Variants in PTPRT observed in about 807,000 individuals in gnomAD.
The protein encoded by PTPRT is receptor-type tyrosine-protein phosphatase T.
Under a neutral mutation model 176.8 loss-of-function variants are expected in PTPRT, and 56 were observed. That is an observed-to-expected ratio of 0.32 (90% CI 0.26 to 0.40). The LOEUF (loss-of-function observed/expected upper bound fraction) is 0.40, where lower values mean the gene tolerates loss of function less well. Among genes scored for constraint, PTPRT ranks in the 10% least tolerant of loss-of-function variants. The pLI, the probability that PTPRT is intolerant of heterozygous loss-of-function variation, is 1.00. For synonymous variants in PTPRT, 783 were observed against 739.0 expected (o/e 1.06, Z -0.96); for missense variants, 1,540 against 1,908.2 (o/e 0.81, Z 3.60).
intron 9 of PTPRT, among the ~76,000 whole-genome samples, chr20:42,410,903 T>C (rs2059008750): frequency 6.6e-6 from 1 of 152,050 alleles, no homozygotes; most frequent in African/African-American, 2.4e-5. Context: ...TCAAACTATG[T>C]GTGGCAGTGG....
intron 22 of PTPRT, among the ~76,000 whole-genome samples, chr20:42,113,849 T>C (rs1987139872): frequency 6.6e-6 from 1 of 152,188 alleles, no homozygotes; most frequent in Admixed American, 6.5e-5. Flanking sequence ...TGGAGGGAGT[T>C]CACAGGCTTC....
rs575159654 is a variant in PTPRT at position 42,880,462 on chromosome 20, G to A, written c.214+5345C>T. On this transcript the variant is annotated intron_variant, in intron 2 of 30. Transcript: ENST00000373187. ...AAAGAATGTCCTACAAGTATTCAAA[G>A]GATATAGAAGCAAGCCACCCAAGCC... 1.4e-4 allele frequency among the ~76,000 whole-genome samples: 21 copies of A among 152,310 alleles called. No homozygotes were observed. The South Asian group carries it at 4.3e-3, about 32-fold the overall frequency.
chr20:42,907,587 A>T (rs1418601788), intron 1 of PTPRT, among the ~76,000 whole-genome samples: 1 of 152,176 alleles, frequency 6.6e-6, no homozygotes, highest in African/African-American at 2.4e-5. Flanking sequence ...TATGAGATGA[A>T]GTGGAGGAAT....
chr20:43,172,210 GGAGA>G, intron 1 of PTPRT, among the ~76,000 whole-genome samples: 1 of 152,230 alleles, frequency 6.6e-6, no homozygotes, highest in East Asian at 1.9e-4. Flanking sequence ...GTTAAGATCC[GGAGA>G]GATACACCAC....
chr20:43,118,804 C>T (rs1408702424), intron 1 of PTPRT, among the ~76,000 whole-genome samples: 2 of 152,214 alleles, frequency 1.3e-5, no homozygotes, highest in African/African-American at 4.8e-5. Context: ...CAAGATCACA[C>T]AGCTAGTACA....
Position 42,450,887 on chromosome 20 carries a change from T to A in PTPRT, c.1451-2558A>T, listed in dbSNP as rs187340206. 8.9e-4 allele frequency among the ~76,000 whole-genome samples: 136 copies of A among 152,328 alleles called. 1 individual carries two copies. The highest frequency in any genetic ancestry group is 1.5e-3 in the Non-Finnish European group (102 of 68,032). On this transcript the variant is annotated intron_variant, in intron 8 of 30. Transcript: ENST00000373187. ...TCAAAACTAATTCATTACATTTTTT[T>A]AATCAGGACTCTGACATAAAGGGAT...
rs553768713 is a variant in PTPRT, at chr20:42,805,828, TTATTGAGTCTCGACC to T, written c.215-14377_215-14363del. ...TATAGATCACGTGCCCATATGCAATTTATTGAGTCTCGACCTATTCCCTTCTAAATACTGTGGACC... is the reference window on the plus strand; with the variant it reads ...TATAGATCACGTGCCCATATGCAATTTATTCCCTTCTAAATACTGTGGACC... On this transcript the variant is annotated intron_variant, in intron 2 of 30. Transcript: ENST00000373187. 1.2e-3 allele frequency among the ~76,000 whole-genome samples: 179 copies of T among 152,162 alleles called. 1 individual carries two copies. The highest frequency in any genetic ancestry group is 4.1e-3 in the African/African-American group (170 of 41,508).
At chr20:42,871,034 T>A (rs997144275) in intron 2 of PTPRT, among the ~76,000 whole-genome samples, 2 of 151,512 alleles carry the variant, frequency 1.3e-5, no homozygotes, top group African/African-American at 4.9e-5. Flanking sequence ...CACTGCAACC[T>A]CCACCTCCCG....
chr20:42,270,305 A>G lies in PTPRT; in HGVS notation c.2176+12184T>C, dbSNP rs2056910471. On this transcript the variant is annotated intron_variant, in intron 13 of 30. Coordinates refer to ENST00000373187, the MANE Select transcript of PTPRT (RefSeq NM_007050.6). ...GTGGGTGGGTGGGTGGGGTGGAAAG[A>G]CTGCTGATTCCTCTCTGGTGCACCT... 4.1e-6 allele frequency: 5 copies of G among 1,231,526 alleles called. No homozygotes were observed. In the East Asian group the frequency reaches 1.3e-4, roughly 31 times the overall value. 76.3% of individuals were successfully genotyped at this position (1,231,526 alleles called of 1,614,324 possible).
At chr20:42,579,147 G>A (rs1468916425) in intron 7 of PTPRT, among the ~76,000 whole-genome samples, 9 of 146,000 alleles carry the variant, frequency 6.2e-5, no homozygotes, top group African/African-American at 2.3e-4. Flanking sequence ...CTATGAGTGA[G>A]AATATGCGGT....
intron 6 of PTPRT, among the ~76,000 whole-genome samples, chr20:42,700,028 C>A (rs543907372): frequency 6.6e-6 from 1 of 152,282 alleles, no homozygotes; most frequent in Admixed American, 6.5e-5. Context: ...AGCAGTGAGA[C>A]CCTGACCCCT....
rs541505893 is a variant in PTPRT, at chr20:42,111,140, C to T, written c.3100-653G>A. 3.9e-5 allele frequency among the ~76,000 whole-genome samples: 6 copies of T among 152,300 alleles called. 1 individual carries two copies. The South Asian group carries it at 1.2e-3, about 32-fold the overall frequency. ...CCCTTTCACACCCCTCCACCCCTCA[C>T]AGAGACACACTCCGGGCCCAGTAGT... is the stretch of plus-strand genomic sequence containing the variant. On this transcript the variant is annotated intron_variant, in intron 22 of 30. Transcript: ENST00000373187.
chr20:42,943,449 A>G (rs1980690763), intron 1 of PTPRT, among the ~76,000 whole-genome samples: 1 of 152,128 alleles, frequency 6.6e-6, no homozygotes, highest in Admixed American at 6.5e-5. Flanking sequence ...TAATGAGAAG[A>G]GCTGTCCACT....
intron 9 of PTPRT, among the ~76,000 whole-genome samples, chr20:42,410,568 C>T (rs1000989492): frequency 6.6e-6 from 1 of 151,492 alleles, no homozygotes; most frequent in Admixed American, 6.6e-5. Context: ...AAACTTCAAC[C>T]ACTTGACCTA....
chr20:42,608,750 A>G (rs1322535080), intron 7 of PTPRT, among the ~76,000 whole-genome samples: 1 of 152,174 alleles, frequency 6.6e-6, no homozygotes, highest in Non-Finnish European at 1.5e-5. Flanking sequence ...GGGTCTTGCC[A>G]TGGGGTCCAG....
At chr20:42,317,678 A>G (rs2057739831) in intron 11 of PTPRT, among the ~76,000 whole-genome samples, 1 of 152,218 alleles carries the variant, frequency 6.6e-6, no homozygotes, top group Non-Finnish European at 1.5e-5. Flanking sequence ...GAGACACAGG[A>G]CTATTTCATT....
chr20:42,888,853 C>G (rs188509604), intron 1 of PTPRT, among the ~76,000 whole-genome samples: 2 of 152,174 alleles, frequency 1.3e-5, no homozygotes, highest in Admixed American at 6.5e-5. Context: ...GGTAAGCATG[C>G]AAATATACAC....
At chr20:43,035,746 A>G (rs1201176595) in intron 1 of PTPRT, among the ~76,000 whole-genome samples, 4 of 152,348 alleles carry the variant, frequency 2.6e-5, no homozygotes, top group African/African-American at 9.6e-5. Flanking sequence ...AGTTTAAGAA[A>G]ACAGAATTTG....
chr20:42,214,955 C>T (rs1321816602), intron 15 of PTPRT, among the ~76,000 whole-genome samples: 4 of 152,250 alleles, frequency 2.6e-5, no homozygotes, highest in Non-Finnish European at 5.9e-5. Flanking sequence ...GTTTTCTCTT[C>T]TGTCAAATAG....
Sources: gnomAD v4.1 joint callset for allele counts (sites outside exome capture counted in the v4.1 genomes callset) on GRCh38, gnomAD v4.1.1 for gene constraint, MANE v1.5 for transcripts, NCBI Gene and HGNC (gene_info 2026-07-23, HGNC 2026-07-21) for gene names.